NEDD4L: variants seen among roughly 807,000 people sequenced by gnomAD.
The protein encoded by NEDD4L is E3 ubiquitin-protein ligase NEDD4-like.
NEDD4L carries 54 observed loss-of-function variants against 148.9 expected under a neutral mutation model. The ratio of observed to expected loss-of-function variants is 0.36; its 90% confidence interval spans 0.29 to 0.45. The LOEUF is 0.45. NEDD4L is among the 20% of genes least tolerant of loss of function. The pLI, the probability that NEDD4L is intolerant of heterozygous loss-of-function variation, is 1.00. For missense variants in NEDD4L, 856 were observed against 1,233.8 expected (o/e 0.69, Z 4.59); for synonymous variants, 433 against 440.7 (o/e 0.98, Z 0.22).
intron 22 of NEDD4L, 150 bp downstream of exon 22, chr18:58,368,017 T>C: frequency 1.1e-6 from 1 of 873,458 alleles, no homozygotes; most frequent in Non-Finnish European, 1.7e-6. Flanking sequence ...TGTCCTTTTC[T>C]CTGGTAGCTT....
intron 1 of NEDD4L, among the ~76,000 whole-genome samples, chr18:58,125,256 T>C (rs1345176304): frequency 6.6e-6 from 1 of 152,172 alleles, no homozygotes; most frequent in Non-Finnish European, 1.5e-5. Flanking sequence ...AATAATTTGC[T>C]CACAGAAATT....
At chr18:58,342,467 T>A (rs547866579) in intron 15 of NEDD4L, among the ~76,000 whole-genome samples, 79 of 152,350 alleles carry the variant, frequency 5.2e-4, no homozygotes, top group Non-Finnish European at 9.0e-4. Flanking sequence ...TCTTCCACAC[T>A]CTGATATGAA....
chr18:58,320,383 C>G (rs1270005163), intron 6 of NEDD4L, among the ~76,000 whole-genome samples: 1 of 152,206 alleles, frequency 6.6e-6, no homozygotes, highest in Non-Finnish European at 1.5e-5. Context: ...AATGTAACCT[C>G]TCTGTGTCAG....
chr18:58,157,698 G>C (rs1056878788), intron 1 of NEDD4L, among the ~76,000 whole-genome samples: 3 of 152,074 alleles, frequency 2.0e-5, no homozygotes, highest in Non-Finnish European at 4.4e-5. Context: ...CACTTACATT[G>C]AACAAGTCAC....
intron 5 of NEDD4L, among the ~76,000 whole-genome samples, chr18:58,290,976 G>A (rs1258985196): frequency 2.6e-5 from 4 of 152,058 alleles, no homozygotes; most frequent in Non-Finnish European, 5.9e-5. Context: ...GCAGGCATTC[G>A]GATCCACAGG....
At chr18:58,265,848 G>A (rs1253586626) in intron 5 of NEDD4L, among the ~76,000 whole-genome samples, 1 of 152,086 alleles carries the variant, frequency 6.6e-6, no homozygotes, top group Non-Finnish European at 1.5e-5. Flanking sequence ...ACAGGCATGA[G>A]ACACTGTATC....
chr18:58,158,385 C>T (rs948372884), intron 1 of NEDD4L, among the ~76,000 whole-genome samples: 1 of 152,216 alleles, frequency 6.6e-6, no homozygotes, highest in African/African-American at 2.4e-5. Flanking sequence ...TGGGAAATTA[C>T]CCACCTCATG....
intron 25 of NEDD4L, among the ~76,000 whole-genome samples, chr18:58,384,160 C>G (rs1286416589): frequency 6.6e-6 from 1 of 152,210 alleles, no homozygotes; most frequent in Non-Finnish European, 1.5e-5. Flanking sequence ...GTCTTGAAAT[C>G]AGACAGCTCT....
At chr18:58,196,268 G>C (rs1181720134) in intron 2 of NEDD4L, among the ~76,000 whole-genome samples, 1 of 152,188 alleles carries the variant, frequency 6.6e-6, no homozygotes, top group East Asian at 1.9e-4. Context: ...CAGCCAGCTC[G>C]TGATGGGACA....
At chr18:58,130,798 G>C (rs1044128402) in intron 1 of NEDD4L, among the ~76,000 whole-genome samples, 39 of 147,870 alleles carry the variant, frequency 2.6e-4, no homozygotes, top group African/African-American at 8.8e-4. Flanking sequence ...GGATTTGGTT[G>C]GTTGTGATCT....
At chr18:58,296,994 C>T (rs574387777) in intron 5 of NEDD4L, among the ~76,000 whole-genome samples, 1 of 150,636 alleles carries the variant, frequency 6.6e-6, no homozygotes, top group East Asian at 2.0e-4. Context: ...GGCTGAGGCA[C>T]GAGAATTGCT....
At chr18:58,130,249 G>T (rs2031859310) in intron 1 of NEDD4L, among the ~76,000 whole-genome samples, 2 of 142,308 alleles carry the variant, frequency 1.4e-5, no homozygotes, top group South Asian at 2.3e-4. Flanking sequence ...GCTGTGTTGG[G>T]CTCTGGAGTT....
chr18:58,391,719 G>A (rs2146998419), intron 30 of NEDD4L, among the ~76,000 whole-genome samples, 160 bp downstream of exon 30: 1 of 152,298 alleles, frequency 6.6e-6, no homozygotes, highest in African/African-American at 2.4e-5. Context: ...GTACAGTAGT[G>A]CTAATAAGAC....
At chr18:58,213,196 A>G (rs1008730503) in intron 2 of NEDD4L, among the ~76,000 whole-genome samples, 4 of 152,202 alleles carry the variant, frequency 2.6e-5, no homozygotes, top group African/African-American at 7.2e-5. Flanking sequence ...AAAATAAAAA[A>G]CTATCATACC....
At chr18:58,353,501 G>C (rs1428492787) in intron 18 of NEDD4L, among the ~76,000 whole-genome samples, 1 of 152,220 alleles carries the variant, frequency 6.6e-6, no homozygotes, top group East Asian at 1.9e-4. Flanking sequence ...CTCCTTAGCT[G>C]TTCATGCTAC....
chr18:58,389,076 T>C lies in NEDD4L; in HGVS notation c.2548-9T>C, dbSNP rs1343498607. 6.2e-7 allele frequency: 1 copy of C among 1,611,498 alleles called. No individual in the cohort carries two copies. The highest frequency in any genetic ancestry group is 1.3e-5 in the African/African-American group (1 of 74,888). On this transcript the variant is annotated splice_polypyrimidine_tract_variant and intron_variant, in intron 27 of 30. Transcript: ENST00000400345. ...TCCTGCTTTTACATCTGGTAAATTT[T>C]CTTCCTAGTTGCTCATGTGCGGCCT... is the stretch of plus-strand genomic sequence containing the variant.
Position 58,047,030 on chromosome 18 carries a change from A to C in NEDD4L, c.48+2322A>C, listed in dbSNP as rs114857583. On this transcript the variant is annotated intron_variant, in intron 1 of 30. Transcript: ENST00000400345. The stretch of plus-strand genomic sequence containing the variant: ...AATGCCTTCGTAGAATATTAACGAC[A>C]AATTGTTGAATTTGCACAGCTTGTT... 1.4e-3 allele frequency: 220 copies of C among 154,484 alleles called. 1 individual carries two copies. The highest frequency in any genetic ancestry group is 4.9e-3 in the African/African-American group (206 of 41,620). The allele number at this position is 154,484 out of a possible 1,614,324, so 9.6% of individuals were successfully genotyped here.
intron 2 of NEDD4L, among the ~76,000 whole-genome samples, chr18:58,173,957 T>C (rs2037803367): frequency 6.6e-6 from 1 of 152,240 alleles, no homozygotes; most frequent in Admixed American, 6.5e-5. Flanking sequence ...TTTTTACTCT[T>C]GGTCTCTTTG....
At chr18:58,235,862 A>G (rs1235113304) in intron 2 of NEDD4L, among the ~76,000 whole-genome samples, 1 of 152,102 alleles carries the variant, frequency 6.6e-6, no homozygotes, top group Non-Finnish European at 1.5e-5. Context: ...AAATATAATT[A>G]AACAATTAAA....
Sources: allele counts gnomAD v4.1 joint callset (sites outside exome capture counted in the v4.1 genomes callset), GRCh38; gene constraint gnomAD v4.1.1; transcripts MANE v1.5; gene names NCBI Gene and HGNC (gene_info 2026-07-23, HGNC 2026-07-21).